AVEN: variants seen among roughly 807,000 people sequenced by gnomAD.
AVEN encodes the protein cell death regulator Aven.
In AVEN, 41 loss-of-function variants were observed where a neutral mutation model predicts 38.1. That is an observed-to-expected ratio of 1.08 (90% CI 0.84 to 1.40). The LOEUF is 1.40. Among genes scored for constraint, AVEN ranks in the 40% most tolerant of loss-of-function variants. The pLI is 0.00. For missense variants in AVEN, 605 were observed against 438.8 expected (o/e 1.38, Z -3.38); for synonymous variants, 206 against 171.8 (o/e 1.20, Z -1.56).
At chr15:34,062,253 C>T (rs1900357995) in intron 5 of AVEN, among the ~76,000 whole-genome samples, 1 of 152,096 alleles carries the variant, frequency 6.6e-6, no homozygotes, top group African/African-American at 2.4e-5. Flanking sequence ...TTTAATATTC[C>T]ATTAGAAACT....
intron 3 of AVEN, 79 bp downstream of exon 3, chr15:33,875,846 C>T (rs949471652): frequency 2.2e-6 from 3 of 1,334,076 alleles, no homozygotes; most frequent in African/African-American, 1.5e-5. Flanking sequence ...CATGAAGACT[C>T]TATCTCAAGA....
intron 2 of AVEN, among the ~76,000 whole-genome samples, chr15:33,904,694 A>AAAAAAAAAT (rs1464894437): frequency 8.9e-5 from 10 of 112,742 alleles, no homozygotes; most frequent in African/African-American, 2.9e-4. Flanking sequence ...AAAAAAAAAA[A>AAAAAAAAAT]ATATATATAT....
intron 2 of AVEN, among the ~76,000 whole-genome samples, chr15:33,999,076 C>T (rs1306718911): frequency 6.6e-6 from 1 of 152,236 alleles, no homozygotes; most frequent in Non-Finnish European, 1.5e-5. Flanking sequence ...CCACCCTTCT[C>T]CAACCTGTTC....
At chr15:33,876,162 A>G (rs1478607204) in intron 2 of AVEN, among the ~76,000 whole-genome samples, 167 bp from the exon 3 acceptor site, 1 of 152,036 alleles carries the variant, frequency 6.6e-6, no homozygotes, top group South Asian at 2.1e-4. Context: ...AAAATTACAA[A>G]ACACACAGAT....
chr15:34,062,577 A>AAAC, intron 5 of AVEN: 1 of 687,516 alleles, frequency 1.5e-6, no homozygotes, highest in East Asian at 2.9e-5. Context: ...AAAAAAAACT[A>AAAC]TAAACAATGG....
At chr15:34,009,840 T>G (rs574241058) in intron 1 of AVEN, among the ~76,000 whole-genome samples, 1 of 152,082 alleles carries the variant, frequency 6.6e-6, no homozygotes, top group African/African-American at 2.4e-5. Flanking sequence ...AAATAAAAAA[T>G]TAGCTGAGCA....
intron 2 of AVEN, among the ~76,000 whole-genome samples, chr15:33,985,614 C>T (rs1269705274): frequency 4.6e-5 from 7 of 151,906 alleles, no homozygotes; most frequent in Admixed American, 4.6e-4. Context: ...TTCAGCTCTC[C>T]CAACAATATT....
chr15:33,937,449 C>T (rs1180189447), intron 2 of AVEN, among the ~76,000 whole-genome samples: 5 of 151,444 alleles, frequency 3.3e-5, no homozygotes, highest in Non-Finnish European at 7.4e-5. Flanking sequence ...AGGAGAACGG[C>T]ATGAACCTGG....
chr15:33,893,597 G>T (rs539714951), intron 2 of AVEN, among the ~76,000 whole-genome samples: 1 of 152,230 alleles, frequency 6.6e-6, no homozygotes, highest in African/African-American at 2.4e-5. Context: ...TTAAACTATT[G>T]TTTGCAATGC....
chr15:33,873,631 C>T (rs1891096387), intron 3 of AVEN, among the ~76,000 whole-genome samples: 1 of 150,000 alleles, frequency 6.7e-6, no homozygotes, highest in Non-Finnish European at 1.5e-5. Flanking sequence ...TTTTCTCTTA[C>T]ATCAACAAGG....
chr15:33,946,592 G>A (rs1175049057), intron 2 of AVEN, among the ~76,000 whole-genome samples: 2 of 152,148 alleles, frequency 1.3e-5, no homozygotes, highest in Non-Finnish European at 2.9e-5. Context: ...CAGATGTCAT[G>A]ACTGCTATGG....
intron 2 of AVEN, among the ~76,000 whole-genome samples, chr15:33,878,460 A>G (rs914118499): frequency 6.9e-6 from 1 of 145,136 alleles, no homozygotes; most frequent in African/African-American, 2.9e-5. Flanking sequence ...AAACTAGGCT[A>G]GTTACCAATA....
At chr15:34,037,083 T>C (rs1396997010) in intron 1 of AVEN, among the ~76,000 whole-genome samples, 2 of 150,030 alleles carry the variant, frequency 1.3e-5, no homozygotes, top group Non-Finnish European at 2.9e-5. Context: ...CACTCCAGCC[T>C]GGGCAACAAG....
intron 5 of AVEN, among the ~76,000 whole-genome samples, chr15:34,054,733 T>G (rs1900063733): frequency 6.6e-6 from 1 of 152,078 alleles, no homozygotes; most frequent in African/African-American, 2.4e-5. Context: ...GTAATAGATG[T>G]TGGGCTTAAT....
chr15:33,880,306 A>G (rs116408119), intron 2 of AVEN, among the ~76,000 whole-genome samples: 2,402 of 152,276 alleles, frequency 0.016, 68 homozygotes, highest in African/African-American at 0.054. Flanking sequence ...GGTAACATTT[A>G]GGGCTGCTTA....
intron 2 of AVEN, among the ~76,000 whole-genome samples, chr15:33,962,137 A>G (rs1243423463): frequency 6.6e-6 from 1 of 152,182 alleles, no homozygotes; most frequent in East Asian, 1.9e-4. Context: ...AGAGACAGGA[A>G]AAAACAAAGT....
At chr15:33,939,531 G>A (rs907603849) in intron 2 of AVEN, among the ~76,000 whole-genome samples, 5 of 152,156 alleles carry the variant, frequency 3.3e-5, no homozygotes, top group African/African-American at 1.2e-4. Context: ...CACAATAGAG[G>A]GTTGCAAAGT....
intron 2 of AVEN, among the ~76,000 whole-genome samples, chr15:33,961,832 A>G (rs1050373066): frequency 4.0e-5 from 6 of 151,140 alleles, no homozygotes; most frequent in East Asian, 1.9e-4. Context: ...AAAAAAAAAA[A>G]AAAAAAGAAA....
the AVEN span, chr15:33,853,438 CT>C: frequency 7.7e-7 from 1 of 1,290,814 alleles, no homozygotes; most frequent in Non-Finnish European, 1.0e-6. Context: ...TGAACTATGT[CT>C]TCATCTACCC....
Sources: gnomAD v4.1 joint callset for allele counts (sites outside exome capture counted in the v4.1 genomes callset) on GRCh38, gnomAD v4.1.1 for gene constraint, MANE v1.5 for transcripts, NCBI Gene and HGNC (gene_info 2026-07-23, HGNC 2026-07-21) for gene names.